The following FREM2 variants were observed in gnomAD, a reference collection of about 807,000 sequenced individuals.
The protein encoded by FREM2 is FRAS1 related extracellular matrix 2.
FREM2 carries 119 observed loss-of-function variants against 219.9 expected under a neutral mutation model. The observed-to-expected ratio is 0.54, with a 90% CI of 0.47 to 0.63. FREM2 has a LOEUF of 0.63. FREM2 is among the 30% of genes least tolerant of loss of function. The pLI, the probability that FREM2 is intolerant of heterozygous loss-of-function variation, is 0.00. For synonymous variants in FREM2, 1,562 were observed against 1,522.8 expected, an observed-to-expected ratio of 1.03 and a Z score of -0.60; for missense variants, 4,030 against 3,993.6, an observed-to-expected ratio of 1.01 and a Z score of -0.25.
At chr13:38,798,561 A>G (rs908975940) in intron 6 of FREM2, among the ~76,000 whole-genome samples, 1 of 152,010 alleles carries the variant, frequency 6.6e-6, no homozygotes, top group Non-Finnish European at 1.5e-5. Flanking sequence ...TTCTTCATAC[A>G]TTTGGTAGAA....
At chr13:38,770,280 A>C (rs1873610643) in intron 4 of FREM2, among the ~76,000 whole-genome samples, 2 of 151,094 alleles carry the variant, frequency 1.3e-5, no homozygotes, top group Non-Finnish European at 2.9e-5. Flanking sequence ...CTGGTCTCAA[A>C]CTTCTGGCCT....
At chr13:38,769,496 G>A (rs1313276997) in intron 3 of FREM2, 82 bp from the exon 4 acceptor site, 1 of 1,258,976 alleles carries the variant, frequency 7.9e-7, no homozygotes, top group African/African-American at 1.5e-5. Flanking sequence ...AGGATAAAAT[G>A]ACATGCAAAA....
intron 6 of FREM2, among the ~76,000 whole-genome samples, chr13:38,788,505 A>G (rs558611764): frequency 6.6e-6 from 1 of 152,282 alleles, no homozygotes; most frequent in South Asian, 2.1e-4. Context: ...TACTTTCAGA[A>G]GATCTTCTGT....
At chr13:38,825,171 C>T (rs9576627) in intron 6 of FREM2, among the ~76,000 whole-genome samples, 27,131 of 152,028 alleles carry the variant, frequency 0.18, 3,180 homozygotes, top group East Asian at 0.33. Flanking sequence ...GCCAAGACAA[C>T]TGTGCAATGC....
intron 6 of FREM2, among the ~76,000 whole-genome samples, chr13:38,799,764 G>C (rs1874937906): frequency 6.6e-6 from 1 of 151,800 alleles, no homozygotes; most frequent in Non-Finnish European, 1.5e-5. Context: ...CTTAAAGTCT[G>C]TTTTACCTAA....
intron 8 of FREM2, among the ~76,000 whole-genome samples, 159 bp downstream of exon 8, chr13:38,848,829 A>AT (rs1413109518): frequency 6.6e-5 from 10 of 152,138 alleles, no homozygotes; most frequent in Non-Finnish European, 1.0e-4. Flanking sequence ...ACAGAAATTT[A>AT]TTATCTCATA....
chr13:38,877,132 G>T lies in FREM2; in HGVS notation c.8560G>T (p.Ala2854Ser). 6.2e-7 allele frequency: 1 copy of T among 1,614,090 alleles called. No homozygotes were observed. The highest frequency in any genetic ancestry group is 8.5e-7 in the Non-Finnish European group (1 of 1,179,970). Residue 2854 changes from alanine to serine, a missense_variant, in exon 21 of 24, where the codon GCT becomes TCT. Physicochemically the swap from Ala to Ser is moderately conservative, Grantham distance 99. Around this residue, in one of 2 missense-constraint regions of FREM2, gnomAD observed 928 missense variants for 1,042.9 expected, o/e 0.89. Coordinates refer to ENST00000280481, the MANE Select transcript of FREM2 (RefSeq NM_207361.6). ...IRFQQVSDPV[A>S]AEFSLNTQMY... Reference sequence around the variant, plus strand: ...TTGGTTTTAGGTCAGTGATCCAGTGGCTGCTGAGTTTAGCTTGAACACCCA... The same window carrying T: ...TTGGTTTTAGGTCAGTGATCCAGTGTCTGCTGAGTTTAGCTTGAACACCCA...
chr13:38,878,198 C>T lies in FREM2; in HGVS notation c.8736C>T (p.Cys2912=). ...PVQNLGDSFY[C]SIEKVFLCTG... ...AGAATCTGGGTGACTCCTTTTACTG[C>T]AGCATTGAGAAGGTGTTTCTATGCA... The change falls in exon 22 of 24, where the codon TGC becomes TGT. Residue 2912 remains cysteine, a synonymous_variant. Transcript: ENST00000280481. 1 of 1,613,284 alleles carries T rather than the reference C, an allele frequency of 6.2e-7. No individual in the cohort carries two copies. Among genetic ancestry groups the T allele is most frequent in the South Asian group, 1.1e-5 (1 of 91,062 alleles).
Position 38,856,338 on chromosome 13 carries a change from C to T in FREM2, c.7056+82C>T, listed in dbSNP as rs930285538. 13 of 1,270,404 alleles carry T rather than the reference C, an allele frequency of 1.0e-5. No homozygotes were observed. In the African/African-American group the frequency reaches 1.9e-4, roughly 19 times the overall value. The allele number at this position is 1,270,404 out of a possible 1,614,324, so 78.7% of individuals were successfully genotyped here. A position where few individuals can be genotyped will look rare whatever the true frequency, so the allele number is the denominator to read the frequency against. On this transcript the variant is annotated intron_variant, in intron 12 of 23. Coordinates refer to ENST00000280481, the MANE Select transcript of FREM2 (RefSeq NM_207361.6). Reference sequence around the variant, plus strand: ...ATAAAAGCAATCACATAGTGTACAACAAAATGAGGAGACTTTGAACAAGCC... The same window carrying T: ...ATAAAAGCAATCACATAGTGTACAATAAAATGAGGAGACTTTGAACAAGCC...
Position 38,857,824 on chromosome 13 carries a change from A to C in FREM2, c.7057-51A>C, listed in dbSNP as rs375463534. On this transcript the variant is annotated intron_variant, in intron 12 of 23. Transcript: ENST00000280481. ...GAGTATTGTTCTGTGTGGTAGAAGCATCAAAAGTTTAATATTTCACTAATC... is the reference window on the plus strand; with the variant it reads ...GAGTATTGTTCTGTGTGGTAGAAGCCTCAAAAGTTTAATATTTCACTAATC... The C allele has an allele frequency of 1.0e-3, 1,508 of 1,497,222 alleles. 22 individuals are homozygous for C. In the South Asian group the frequency reaches 0.015, roughly 15 times the overall value. The allele number at this position is 1,497,222 out of a possible 1,614,324, so 92.7% of individuals were successfully genotyped here. A position where few individuals can be genotyped will look rare whatever the true frequency, so the allele number is the denominator to read the frequency against.
intron 6 of FREM2, among the ~76,000 whole-genome samples, chr13:38,821,058 T>A (rs944303910): frequency 3.3e-5 from 5 of 152,146 alleles, no homozygotes; most frequent in African/African-American, 1.2e-4. Flanking sequence ...GTTTGCTTCT[T>A]TATAAAACCA....
intron 21 of FREM2, 80 bp from the exon 22 acceptor site, chr13:38,878,054 A>G: frequency 8.3e-7 from 1 of 1,204,806 alleles, no homozygotes. Flanking sequence ...CTGTGTCCTC[A>G]TTGTCATAAC....
In FREM2 at chr13:38,689,346, G is replaced by T; in HGVS notation, c.2002G>T (p.Asp668Tyr). The change falls in exon 1 of 24, where the codon GAC becomes TAC. Residue 668 changes from aspartate to tyrosine, a missense_variant. Physicochemically the swap from Asp to Tyr is radical, Grantham distance 160. Around this residue, in one of 2 missense-constraint regions of FREM2, gnomAD observed 3,102 missense variants for 2,950.7 expected, o/e 1.05. Coordinates refer to ENST00000280481, the MANE Select transcript of FREM2 (RefSeq NM_207361.6). ...SGPHSPGPVT[D>Y]QFTFRVQDNH... ...GCCCCATAGTCCTGGGCCAGTCACA[G>T]ACCAGTTCACATTTAGAGTCCAGGA... 1 of 1,614,104 alleles carries T rather than the reference G, an allele frequency of 6.2e-7. No individual in the cohort carries two copies. Among genetic ancestry groups the T allele is most frequent in the Non-Finnish European group, 8.5e-7 (1 of 1,180,016 alleles).
rs780576824 is a variant in FREM2, at chr13:38,861,574, G to C, written c.7651+12G>C. 2 of 1,613,730 alleles carry C rather than the reference G, an allele frequency of 1.2e-6. No individual in the cohort carries two copies. The highest frequency in any genetic ancestry group is 2.2e-5 in the South Asian group (2 of 91,056). On this transcript the variant is annotated intron_variant, in intron 15 of 23. Transcript: ENST00000280481. ...GCCACACATAGATGGTAGGTGACTT[G>C]GGTAAGCAAATCCATGGAATTGTTT...
rs142821775 is a variant in FREM2 at position 38,850,103 on chromosome 13, A to G, written c.6445A>G (p.Met2149Val). 2.2e-5 allele frequency: 35 copies of G among 1,613,930 alleles called. 1 individual carries two copies. Among genetic ancestry groups the G allele is most frequent in the Middle Eastern group, 3.3e-4 (2 of 6,082 alleles). ...CGAAAGTGATGGGCAGATAGTTACA[A>G]TGATCCATAGGACTGGGGATGTCCA... ...GSESDGQIVT[M>V]IHRTGDVQYR... Residue 2149 changes from methionine to valine, a missense_variant, in exon 9 of 24, where the codon ATG becomes GTG. Physicochemically the swap from Met to Val is conservative, Grantham distance 21. Transcript: ENST00000280481.
intron 6 of FREM2, among the ~76,000 whole-genome samples, chr13:38,787,714 A>T (rs1874385623): frequency 6.7e-6 from 1 of 150,236 alleles, no homozygotes; most frequent in Non-Finnish European, 1.5e-5. Context: ...TATTAATGTT[A>T]TTTATTAAGT....
intron 6 of FREM2, among the ~76,000 whole-genome samples, chr13:38,844,702 C>T (rs1000335489): frequency 6.6e-6 from 1 of 152,114 alleles, no homozygotes; most frequent in African/African-American, 2.4e-5. Context: ...CAGCTCTCTC[C>T]CATAACTCAG....
chr13:38,858,963 G>C (rs1435538826), intron 13 of FREM2, among the ~76,000 whole-genome samples: 1 of 136,112 alleles, frequency 7.3e-6, no homozygotes, highest in Non-Finnish European at 1.6e-5. Flanking sequence ...ACTGGATAAG[G>C]GGGGTAAGAT....
intron 7 of FREM2, among the ~76,000 whole-genome samples, chr13:38,848,148 C>T (rs969367582): frequency 6.6e-6 from 1 of 152,048 alleles, no homozygotes; most frequent in African/African-American, 2.4e-5. Flanking sequence ...TTTTCTAAGC[C>T]TGATTTTTAT....
Sources: allele counts gnomAD v4.1 joint callset (sites outside exome capture counted in the v4.1 genomes callset), GRCh38; gene constraint gnomAD v4.1.1; regional missense constraint gnomAD v4.1.1; transcripts MANE v1.5; gene names NCBI Gene and HGNC (gene_info 2026-07-23, HGNC 2026-07-21).